CAPN5: variants seen among roughly 807,000 people sequenced by gnomAD.
The protein encoded by CAPN5 is calpain-5.
Under a neutral mutation model 73.0 loss-of-function variants are expected in CAPN5, and 54 were observed. That is an observed-to-expected ratio of 0.74 (90% CI 0.59 to 0.93). The LOEUF is 0.93. CAPN5 is among the 40% of genes least tolerant of loss of function. The pLI is 0.00. For missense variants in CAPN5, 785 were observed against 882.9 expected (o/e 0.89, Z 1.41); for synonymous variants, 335 against 356.9 (o/e 0.94, Z 0.69).
intron 1 of CAPN5, among the ~76,000 whole-genome samples, chr11:77,083,005 A>C (rs1367473052): frequency 6.6e-6 from 1 of 152,304 alleles, no homozygotes; most frequent in African/African-American, 2.4e-5. Context: ...CTCTGCCAGA[A>C]GCCTGAAGCC....
intron 2 of CAPN5, among the ~76,000 whole-genome samples, chr11:77,088,539 T>C (rs1429651812): frequency 6.6e-6 from 1 of 152,018 alleles, no homozygotes; most frequent in African/African-American, 2.4e-5. Flanking sequence ...GGGCAAGTCT[T>C]CTGCAGAGGG....
chr11:77,085,143 G>A (rs1000522961), intron 2 of CAPN5, 92 bp downstream of exon 2: 12 of 1,103,208 alleles, frequency 1.1e-5, no homozygotes, highest in Non-Finnish European at 1.6e-5. Context: ...GTGGGAGGAG[G>A]CATCCCTGGC....
chr11:77,097,464 G>GTTTTTTTTTTT (rs58077755), intron 3 of CAPN5, among the ~76,000 whole-genome samples: 30 of 79,728 alleles, frequency 3.8e-4, no homozygotes, highest in Non-Finnish European at 5.4e-4. Flanking sequence ...TTTCCTTCTA[G>GTTTTTTTTTTT]TTTTTTTTTT....
At chr11:77,069,821 C>T (rs914778610) in intron 1 of CAPN5, among the ~76,000 whole-genome samples, 3 of 152,228 alleles carry the variant, frequency 2.0e-5, no homozygotes, top group Admixed American at 6.5e-5. Context: ...CCCTGGTCCC[C>T]GCTCAAAACT....
At chr11:77,091,542 G>A (rs1285061042) in intron 2 of CAPN5, among the ~76,000 whole-genome samples, 1 of 152,180 alleles carries the variant, frequency 6.6e-6, no homozygotes, top group Non-Finnish European at 1.5e-5. Flanking sequence ...ATGGATTGTG[G>A]TGTCAGCAGG....
chr11:77,113,822 A>G (rs1950436428), intron 4 of CAPN5, among the ~76,000 whole-genome samples: 1 of 152,124 alleles, frequency 6.6e-6, no homozygotes, highest in Admixed American at 6.5e-5. Context: ...AATGCTTCTC[A>G]TTTTAACCAT....
chr11:77,092,330 G>A (rs1042581402), intron 2 of CAPN5, among the ~76,000 whole-genome samples: 3 of 152,256 alleles, frequency 2.0e-5, no homozygotes, highest in African/African-American at 7.2e-5. Flanking sequence ...ATTGCCGATT[G>A]AGGAGCTGGA....
intron 1 of CAPN5, among the ~76,000 whole-genome samples, chr11:77,076,074 A>T (rs921026181): frequency 1.3e-5 from 2 of 152,068 alleles, no homozygotes; most frequent in Non-Finnish European, 2.9e-5. Flanking sequence ...CTCAAAATCT[A>T]CTCTCGGCCG....
intron 3 of CAPN5, among the ~76,000 whole-genome samples, chr11:77,111,005 C>A (rs1366308800): frequency 1.3e-5 from 2 of 152,028 alleles, no homozygotes; most frequent in African/African-American, 4.8e-5. Context: ...CCCAGCAGGG[C>A]CAGGGGTCAT....
intron 3 of CAPN5, among the ~76,000 whole-genome samples, chr11:77,098,121 C>T (rs1460561506): frequency 1.1e-4 from 8 of 74,578 alleles, no homozygotes; most frequent in African/African-American, 3.3e-4. Context: ...ACCTCCCTCC[C>T]GGACGGGGCG....
chr11:77,114,515 C>A, intron 5 of CAPN5, 81 bp downstream of exon 5: 1 of 1,306,902 alleles, frequency 7.7e-7, no homozygotes, highest in Non-Finnish European at 1.1e-6. Flanking sequence ...TGACATCCCA[C>A]GCTCAGGTCA....
rs564871914 is a variant in CAPN5 at position 77,086,204 on chromosome 11, G to A, written c.165+1153G>A. 2.0e-5 allele frequency among the ~76,000 whole-genome samples: 3 copies of A among 152,282 alleles called. No individual in the cohort carries two copies. The East Asian group carries it at 5.8e-4, about 29-fold the overall frequency. On this transcript the variant is annotated intron_variant, in intron 2 of 12. Coordinates refer to ENST00000648180, the MANE Select transcript of CAPN5 (RefSeq NM_004055.5). ...AGCAGCCTGTAACAGGGTCAGATTTGCATTTTCCAAAGTTCCTCCTGATCC... is the reference window on the plus strand; with the variant it reads ...AGCAGCCTGTAACAGGGTCAGATTTACATTTTCCAAAGTTCCTCCTGATCC...
Position 77,118,292 on chromosome 11 carries a change from G to A in CAPN5, c.1107G>A (p.Pro369=), listed in dbSNP as rs782174177. 69 of 1,613,326 alleles carry A rather than the reference G, an allele frequency of 4.3e-5. No individual in the cohort carries two copies. Among genetic ancestry groups the A allele is most frequent in the South Asian group, 1.9e-4 (17 of 90,904 alleles). Residue 369 remains proline, a synonymous_variant, in exon 8 of 13, where the codon CCG becomes CCA. Transcript: ENST00000648180. The part of the protein sequence containing the change: ...LHGAWTLHED[P]RQNRGGGCIN... ...GCGCCTGGACGCTGCATGAGGACCCGCGACAGAACCGCGGTGGCGGCTGCA... is the reference window on the plus strand; with the variant it reads ...GCGCCTGGACGCTGCATGAGGACCCACGACAGAACCGCGGTGGCGGCTGCA...
chr11:77,081,863 C>T (rs1335017640), intron 1 of CAPN5, among the ~76,000 whole-genome samples: 6 of 152,050 alleles, frequency 3.9e-5, no homozygotes, highest in Non-Finnish European at 8.8e-5. Context: ...TGAGTGCTGG[C>T]GTCTGTGATG....
intron 1 of CAPN5, chr11:77,073,192 TC>T: frequency 9.7e-7 from 1 of 1,032,468 alleles, no homozygotes; most frequent in Non-Finnish European, 1.3e-6. Context: ...TGGATGTGGT[TC>T]TTTCAGTGTT....
chr11:77,114,235 T>G lies in CAPN5; in HGVS notation c.507-7T>G, dbSNP rs782250691. On this transcript the variant is annotated splice_region_variant and splice_polypyrimidine_tract_variant and intron_variant, in intron 4 of 12. Coordinates refer to ENST00000648180, the MANE Select transcript of CAPN5 (RefSeq NM_004055.5). ...GAGCTGGGAAGTCTTTCCACATTGC[T>G]TCCCAGACTGGCAGGCTGTTACCAG... 1 of 1,613,316 alleles carries G rather than the reference T, an allele frequency of 6.2e-7. No individual in the cohort carries two copies. The highest frequency in any genetic ancestry group is 8.5e-7 in the Non-Finnish European group (1 of 1,179,426).
chr11:77,095,181 C>T (rs1950194499), intron 3 of CAPN5, among the ~76,000 whole-genome samples: 1 of 152,196 alleles, frequency 6.6e-6, no homozygotes, highest in Non-Finnish European at 1.5e-5. Flanking sequence ...CGAGAGCCAC[C>T]CGTTGGCTCA....
intron 7 of CAPN5, among the ~76,000 whole-genome samples, chr11:77,116,791 C>A (rs941988288): frequency 6.6e-6 from 1 of 152,206 alleles, no homozygotes; most frequent in Non-Finnish European, 1.5e-5. Context: ...CCTAGAGGAA[C>A]TAGCTTCTAA....
chr11:77,088,076 G>GT (rs1271067058), intron 2 of CAPN5: 1 of 1,525,292 alleles, frequency 6.6e-7, no homozygotes, highest in East Asian at 2.5e-5. Context: ...GCGGCCTCCT[G>GT]TCACCCTGTG....
Sources: allele counts gnomAD v4.1 joint callset (sites outside exome capture counted in the v4.1 genomes callset), GRCh38; gene constraint gnomAD v4.1.1; transcripts MANE v1.5; gene names NCBI Gene and HGNC (gene_info 2026-07-23, HGNC 2026-07-21).